The following ATIC variants were observed in gnomAD, a reference collection of about 807,000 sequenced individuals.
ATIC encodes the protein bifunctional purine biosynthesis protein ATIC.
Under a neutral mutation model 72.5 loss-of-function variants are expected in ATIC, and 64 were observed. The observed-to-expected ratio is 0.88, with a 90% confidence interval of 0.72 to 1.09. The LOEUF is 1.09. Among genes scored for constraint, ATIC ranks in the 50% least tolerant of loss-of-function variants. ATIC has a pLI of 0.00. For synonymous variants in ATIC, 281 were observed against 267.1 expected (o/e 1.05, Z -0.51); for missense variants, 787 against 732.4 (o/e 1.07, Z -0.86).
intron 9 of ATIC, among the ~76,000 whole-genome samples, chr2:215,333,842 A>G (rs1268802195): frequency 3.3e-5 from 5 of 151,988 alleles, no homozygotes; most frequent in South Asian, 2.1e-4. Context: ...GGAGATCGAG[A>G]CCATCCTGGC....
intron 11 of ATIC, among the ~76,000 whole-genome samples, 175 bp from the exon 12 acceptor site, chr2:215,338,604 A>G (rs1053864387): frequency 2.0e-5 from 3 of 152,226 alleles, no homozygotes; most frequent in Non-Finnish European, 4.4e-5. Context: ...GTATCATACC[A>G]GAATGATTTA....
chr2:215,323,110 A>G (rs2052787435), intron 4 of ATIC, among the ~76,000 whole-genome samples: 1 of 151,950 alleles, frequency 6.6e-6, no homozygotes, highest in Non-Finnish European at 1.5e-5. Flanking sequence ...ATGCGCAGCT[A>G]ATTTTTTTGT....
chr2:215,346,767 C>T lies in ATIC; in HGVS notation c.1329C>T (p.Gly443=). ...VCYAKNGQVI[G]IGAGQQSRIH... is the part of the protein sequence containing the mutation. Reference sequence around the variant, plus strand: ...ATGTCTGTGTTCCTCAGGTTATCGGCATTGGAGCAGGACAGCAGTCTCGTA... The same window carrying T: ...ATGTCTGTGTTCCTCAGGTTATCGGTATTGGAGCAGGACAGCAGTCTCGTA... The change falls in exon 14 of 16, where the codon GGC becomes GGT. Residue 443 remains glycine (G), a synonymous_variant. Coordinates refer to ENST00000236959, the MANE Select transcript of ATIC (RefSeq NM_004044.7). 6.2e-7 allele frequency: 1 copy of T among 1,614,160 alleles called. No homozygotes were observed. Among genetic ancestry groups the T allele is most frequent in the South Asian group, 1.1e-5 (1 of 91,088 alleles).
chr2:215,355,108 C>T, the ATIC span, among the ~76,000 whole-genome samples: 1 of 151,948 alleles, frequency 6.6e-6, no homozygotes, highest in Non-Finnish European at 1.5e-5. Flanking sequence ...AAAGTGCCAC[C>T]CCTCACATGC....
chr2:215,338,010 C>A (rs556069709), intron 11 of ATIC, among the ~76,000 whole-genome samples: 1 of 152,248 alleles, frequency 6.6e-6, no homozygotes, highest in South Asian at 2.1e-4. Context: ...TACAAAGGAA[C>A]ATTTTAGAAT....
intron 14 of ATIC, chr2:215,348,689 G>T: frequency 2.4e-6 from 1 of 422,884 alleles, no homozygotes; most frequent in Non-Finnish European, 4.6e-6. Flanking sequence ...CTGGCCGGGC[G>T]CGGTGGCTCA....
intron 4 of ATIC, among the ~76,000 whole-genome samples, chr2:215,322,067 A>AT (rs2052773791): frequency 6.6e-6 from 1 of 151,206 alleles, no homozygotes; most frequent in Admixed American, 6.6e-5. Context: ...CACTTGGCTA[A>AT]TTTTTTTGGA....
intron 4 of ATIC, among the ~76,000 whole-genome samples, chr2:215,323,245 C>G (rs923987752): frequency 6.6e-6 from 1 of 152,110 alleles, no homozygotes; most frequent in African/African-American, 2.4e-5. Context: ...GCGCCCGGCC[C>G]CAACTTCGTT....
intron 7 of ATIC, among the ~76,000 whole-genome samples, chr2:215,329,479 A>AAG (rs2052866389): frequency 1.3e-5 from 2 of 152,260 alleles, no homozygotes; most frequent in Admixed American, 6.5e-5. Context: ...ACAATAGAAA[A>AAG]GGCACTTTGC....
At chr2:215,346,731 T>G in intron 13 of ATIC, 28 bp from the exon 14 acceptor site, 1 of 1,611,282 alleles carries the variant, frequency 6.2e-7, no homozygotes, top group South Asian at 1.1e-5. Context: ...TTGGAAGAGG[T>G]GTTCACTTTA....
downstream of ATIC, among the ~76,000 whole-genome samples, chr2:215,352,417 A>T (rs1357826990): frequency 1.3e-5 from 2 of 152,086 alleles, no homozygotes; most frequent in African/African-American, 4.8e-5. Context: ...CCCCGTCTCT[A>T]CTAAAATTAC....
chr2:215,346,713 A>G, intron 13 of ATIC, 46 bp from the exon 14 acceptor site: 1 of 1,602,980 alleles, frequency 6.2e-7, no homozygotes, highest in Non-Finnish European at 8.5e-7. Flanking sequence ...TTTGAGAAGA[A>G]AGTGTCTTTG....
At position 215,332,306 on chromosome 2, in the gene ATIC, AT is replaced by A. The variant is rs1432831131; in HGVS notation, c.689-69del. 3.2e-6 allele frequency: 5 copies of A among 1,586,060 alleles called. No individual in the cohort carries two copies. The Admixed American group carries it at 6.7e-5, about 21-fold the overall frequency. On this transcript the variant is annotated intron_variant, in intron 7 of 15. Transcript: ENST00000236959. ...CTTAAAACATTTGTTTAGTCATGTT[AT>A]TTTTTTGAGAAGTGTGCATACATCT...
chr2:215,346,329 T>G (rs2053070391), intron 13 of ATIC, among the ~76,000 whole-genome samples: 1 of 152,076 alleles, frequency 6.6e-6, no homozygotes, highest in Non-Finnish European at 1.5e-5. Context: ...CCCTAGCTAT[T>G]TTTTAATTCT....
chr2:215,339,426 G>A (rs2052993340), intron 12 of ATIC, among the ~76,000 whole-genome samples: 1 of 152,066 alleles, frequency 6.6e-6, no homozygotes, highest in Non-Finnish European at 1.5e-5. Flanking sequence ...TGAGGTGAGA[G>A]GATTGCATGA....
the ATIC span, among the ~76,000 whole-genome samples, chr2:215,358,806 C>T: frequency 6.6e-6 from 1 of 152,202 alleles, no homozygotes; most frequent in African/African-American, 2.4e-5. Flanking sequence ...AGGTTTTTTA[C>T]ATTTCAACAT....
At chr2:215,319,577 A>C (rs2052745425) in intron 3 of ATIC, 88 bp from the exon 4 acceptor site, 2 of 990,760 alleles carry the variant, frequency 2.0e-6, no homozygotes, top group Non-Finnish European at 3.2e-6. Flanking sequence ...ATGGGATTTA[A>C]TTTGATTGAA....
chr2:215,367,885 A>T, the ATIC span: 7 of 1,614,054 alleles, frequency 4.3e-6, no homozygotes, highest in South Asian at 1.1e-5. Flanking sequence ...ATCTGAAATG[A>T]CCACTTCCAA....
At chr2:215,342,803 C>T (rs556166803) in intron 12 of ATIC, among the ~76,000 whole-genome samples, 1 of 152,264 alleles carries the variant, frequency 6.6e-6, no homozygotes, top group Admixed American at 6.5e-5. Context: ...CCTCAGCCTC[C>T]CAGGGAGCTG....
Sources: gnomAD v4.1 joint callset for allele counts (sites outside exome capture counted in the v4.1 genomes callset) on GRCh38, gnomAD v4.1.1 for gene constraint, MANE v1.5 for transcripts, NCBI Gene and HGNC (gene_info 2026-07-23, HGNC 2026-07-21) for gene names.